Variants in TMPRSS13 observed in about 807,000 individuals in gnomAD.
TMPRSS13 encodes the protein transmembrane protease serine 13.
TMPRSS13 carries 50 observed loss-of-function variants against 68.4 expected under a neutral mutation model. The observed-to-expected ratio is 0.73, with a 90% confidence interval of 0.58 to 0.93. The LOEUF (loss-of-function observed/expected upper bound fraction) is 0.93. Ranked by LOEUF, TMPRSS13 falls within the 40% of genes least tolerant of loss-of-function variation. The probability of loss-of-function intolerance (pLI) is 0.00; values close to 1 mark genes in which losing one functional copy is unlikely to be tolerated. For missense variants in TMPRSS13, 615 were observed against 729.2 expected, an observed-to-expected ratio of 0.84 and a Z score of 1.80; for synonymous variants, 267 against 285.8, an observed-to-expected ratio of 0.93 and a Z score of 0.66.
At chr11:117,919,276 T>G (rs2057618657) in intron 1 of TMPRSS13, among the ~76,000 whole-genome samples, 1 of 152,240 alleles carries the variant, frequency 6.6e-6, no homozygotes, top group Non-Finnish European at 1.5e-5. Context: ...CCGCATCCTT[T>G]TCTTTCATGT....
intron 7 of TMPRSS13, 41 bp downstream of exon 7, chr11:117,910,666 C>T (rs747644238): frequency 8.2e-6 from 13 of 1,588,210 alleles, no homozygotes; most frequent in Middle Eastern, 1.7e-4. Context: ...CCTTTACTCC[C>T]ACACGACACT....
chr11:117,925,718 C>T (rs1350453088), intron 1 of TMPRSS13, among the ~76,000 whole-genome samples: 1 of 152,240 alleles, frequency 6.6e-6, no homozygotes, highest in African/African-American at 2.4e-5. Context: ...CAGTGCCCTG[C>T]CCACTTGGCC....
rs959777873 is a variant in TMPRSS13, at chr11:117,918,355, C to T, written c.451+54G>A. 3 of 1,581,842 alleles carry T rather than the reference C, an allele frequency of 1.9e-6. No individual in the cohort carries two copies. In the Admixed American group the frequency reaches 5.1e-5, roughly 27 times the overall value. On this transcript the variant is annotated intron_variant, in intron 2 of 12. Transcript: ENST00000524993. Reference sequence around the variant, plus strand: ...GCACACTGGCTCTGAGATTTCCTCCCTGCCCATGGGCTGCTTCCCATCTCT... The same window carrying T: ...GCACACTGGCTCTGAGATTTCCTCCTTGCCCATGGGCTGCTTCCCATCTCT...
intron 5 of TMPRSS13, among the ~76,000 whole-genome samples, chr11:117,913,449 T>C (rs2057542733): frequency 6.6e-6 from 1 of 152,188 alleles, no homozygotes; most frequent in African/African-American, 2.4e-5. Flanking sequence ...TCTGCCCAAA[T>C]GCCTGCCCAA....
intron 1 of TMPRSS13, among the ~76,000 whole-genome samples, chr11:117,921,937 C>A (rs891377150): frequency 1.3e-5 from 2 of 152,200 alleles, no homozygotes; most frequent in Non-Finnish European, 2.9e-5. Flanking sequence ...CGCTCCACCC[C>A]CTGACTCTGA....
Position 117,914,395 on chromosome 11 carries a change from A to G in TMPRSS13, c.676T>C (p.Cys226Arg). ...CCCCCGCACCCAGCCTCCTTACCGC[A>G]GCCCAGCTCGTCACTCTTCAGCTTG... ...DCKLKSDELG[C>R]VRFDWDKSLL... Residue 226 changes from cysteine to arginine, a missense_variant, in exon 4 of 13, where the codon TGC (cysteine) becomes CGC (arginine). Transcript: ENST00000524993. The surrounding 1 kb of genome is among the most constrained non-coding windows in gnomAD (Gnocchi z 4.2). 2 of 1,613,712 alleles carry G rather than the reference A, an allele frequency of 1.2e-6. No individual in the cohort carries two copies. The highest frequency in any genetic ancestry group is 1.7e-6 in the Non-Finnish European group (2 of 1,179,978).
chr11:117,904,772 G>A (rs1265835229), intron 10 of TMPRSS13, among the ~76,000 whole-genome samples: 1 of 150,304 alleles, frequency 6.7e-6, no homozygotes, highest in Non-Finnish European at 1.5e-5. Context: ...CAAGGTCACT[G>A]TGCAAACCAC....
At chr11:117,924,163 GCA>G (rs2057675237) in intron 1 of TMPRSS13, among the ~76,000 whole-genome samples, 1 of 12,484 alleles carries the variant, frequency 8.0e-5, no homozygotes, top group Admixed American at 1.8e-3. Context: ...AGGCAACATA[GCA>G]AGACCCCATC....
At chr11:117,918,879 G>A (rs1263102966) in intron 1 of TMPRSS13, 41 bp from the exon 2 acceptor site, 1 of 1,606,264 alleles carries the variant, frequency 6.2e-7, no homozygotes, top group Admixed American at 1.7e-5. Flanking sequence ...CTGCTCCCCT[G>A]CCAACCCACC....
intron 7 of TMPRSS13, among the ~76,000 whole-genome samples, chr11:117,910,386 T>G (rs1163768667): frequency 6.6e-6 from 1 of 152,152 alleles, no homozygotes; most frequent in East Asian, 1.9e-4. Flanking sequence ...TGACCCTGAA[T>G]TGACAAGCAT....
intron 9 of TMPRSS13, among the ~76,000 whole-genome samples, 199 bp from the exon 10 acceptor site, chr11:117,905,935 C>T (rs768753653): frequency 6.6e-5 from 10 of 152,176 alleles, no homozygotes; most frequent in African/African-American, 2.4e-4. Flanking sequence ...CATAACCCAC[C>T]AGCATTTGGG....
At chr11:117,926,460 A>C (rs954791805) in intron 1 of TMPRSS13, among the ~76,000 whole-genome samples, 1 of 152,122 alleles carries the variant, frequency 6.6e-6, no homozygotes, top group African/African-American at 2.4e-5. Flanking sequence ...GACGGTTCTC[A>C]CCAATCCCTA....
At chr11:117,904,927 T>TGCCAC (rs573324507) in intron 10 of TMPRSS13, among the ~76,000 whole-genome samples, 70 of 143,322 alleles carry the variant, frequency 4.9e-4, no homozygotes, top group Middle Eastern at 3.6e-3. Context: ...CGGGTTTCAC[T>TGCCAC]CTGTCACCCA....
At chr11:117,925,013 C>T (rs2057690990) in intron 1 of TMPRSS13, among the ~76,000 whole-genome samples, 2 of 152,206 alleles carry the variant, frequency 1.3e-5, no homozygotes, top group African/African-American at 4.8e-5. Context: ...GCCGTGTGAC[C>T]TTGGGGACAG....
intron 6 of TMPRSS13, among the ~76,000 whole-genome samples, chr11:117,911,218 G>A (rs866602226): frequency 6.6e-5 from 10 of 152,062 alleles, no homozygotes; most frequent in African/African-American, 1.4e-4. Context: ...TCTCCCCTCC[G>A]TAGGGCAAAC....
In TMPRSS13 at chr11:117,914,015, C is replaced by T; in HGVS notation, c.680-109G>A. 7.5e-7 allele frequency: 1 copy of T among 1,324,824 alleles called. No homozygotes were observed. The highest frequency in any genetic ancestry group is 1.5e-5 in the African/African-American group (1 of 68,452). The allele number at this position is 1,324,824 out of a possible 1,614,324, so 82.1% of individuals were successfully genotyped here. ...AGAAAGCGCTTGTCCTGACAGCACT[C>T]CTTGCTGAGGCCTGGGAAAAGTCCA... On this transcript the variant is annotated intron_variant, in intron 4 of 12. Coordinates refer to ENST00000524993, the MANE Select transcript of TMPRSS13 (RefSeq NM_001077263.3). This position sits in a 1 kb window ranked among gnomAD's most constrained non-coding sequence, Gnocchi z 4.2.
At chr11:117,906,381 G>T (rs2057465289) in intron 9 of TMPRSS13, among the ~76,000 whole-genome samples, 1 of 152,172 alleles carries the variant, frequency 6.6e-6, no homozygotes, top group Admixed American at 6.5e-5. Context: ...TCTGAGGACT[G>T]GTGTCCCTAG....
chr11:117,905,574 C>T (rs748966047), intron 10 of TMPRSS13, 64 bp downstream of exon 10: 114 of 1,346,826 alleles, frequency 8.5e-5, no homozygotes, highest in Middle Eastern at 5.5e-4. Flanking sequence ...TGCTTACACA[C>T]GCACATGTAT....
intron 7 of TMPRSS13, among the ~76,000 whole-genome samples, chr11:117,910,356 A>C (rs1262096028): frequency 6.6e-6 from 1 of 152,196 alleles, no homozygotes; most frequent in Non-Finnish European, 1.5e-5. Context: ...GGTGCACAGG[A>C]ATGCAGACCA....
Sources: gnomAD v4.1 joint callset for allele counts (sites outside exome capture counted in the v4.1 genomes callset) on GRCh38, gnomAD v4.1.1 for gene constraint, Gnocchi (gnomAD v3.1) non-coding constraint, MANE v1.5 for transcripts, NCBI Gene and HGNC (gene_info 2026-07-23, HGNC 2026-07-21) for gene names.